SGCD: variants seen among roughly 807,000 people sequenced by gnomAD.
SGCD encodes the protein sarcoglycan delta.
SGCD carries 18 observed loss-of-function variants against 36.6 expected under a neutral mutation model. The observed-to-expected ratio is 0.49, with a 90% CI of 0.34 to 0.73. SGCD has a LOEUF of 0.73. Ranked by LOEUF, SGCD falls within the 30% of genes least tolerant of loss-of-function variation. The pLI, the probability that SGCD is intolerant of heterozygous loss-of-function variation, is 0.01. For missense variants in SGCD, 387 were observed against 346.7 expected, an observed-to-expected ratio of 1.12 and a Z score of -0.92; for synonymous variants, 133 against 130.6, an observed-to-expected ratio of 1.02 and a Z score of -0.12.
At chr5:156,329,507 T>C in intron 1 of SGCD, 27 bp from the exon 2 acceptor site, 3 of 1,546,480 alleles carry the variant, frequency 1.9e-6, no homozygotes, top group Non-Finnish European at 2.7e-6. Context: ...TCAGACCTTA[T>C]TTTTAACCCA....
At chr5:156,640,313 T>A (rs1762982310) in intron 6 of SGCD, among the ~76,000 whole-genome samples, 1 of 152,164 alleles carries the variant, frequency 6.6e-6, no homozygotes, top group South Asian at 2.1e-4. Context: ...TCTAGATATA[T>A]ATATACATTT....
chr5:156,545,939 A>G lies in SGCD; in HGVS notation c.294+37237A>G, dbSNP rs184159342. Among the ~76,000 whole-genome samples the G allele has an allele frequency of 1.9e-3, 287 of 152,326 alleles. 1 individual carries two copies. In the Middle Eastern group the frequency reaches 0.024, roughly 13 times the overall value. On this transcript the variant is annotated intron_variant, in intron 4 of 8. Transcript: ENST00000337851. The stretch of plus-strand genomic sequence containing the variant: ...CTCCAAGTTTTATGACAAATTACCC[A>G]GTGTGTCAAGTGGGTGTCAGTTTCT...
In SGCD at chr5:156,052,420, G is replaced by C. The variant is rs910675285; in HGVS notation, c.-281-65458G>C. Among the ~76,000 whole-genome samples, 7 of 146,428 alleles carry C rather than the reference G, an allele frequency of 4.8e-5. 1 individual carries two copies. Among genetic ancestry groups the C allele is most frequent in the African/African-American group, 1.5e-4 (6 of 40,646 alleles). ...TCATGAGAAGGCCTTTGAACTTCAT[G>C]CTAAGTGTGATGAAAGGAAGCCTAG... On this transcript the variant is annotated intron_variant, in intron 1 of 9. Transcript: ENST00000517913.
In SGCD at chr5:156,763,647, G is replaced by C. The variant is rs1227326845; in HGVS notation, c.*4257G>C. 6.6e-6 allele frequency: 1 copy of C among 151,886 alleles called. No homozygotes were observed. Among genetic ancestry groups the C allele is most frequent in the Admixed American group, 6.6e-5 (1 of 15,222 alleles). The allele number at this position is 151,886 out of a possible 1,614,324, so 9.4% of individuals were successfully genotyped here. ...TCTCTGCTTGTGTGTGGTAAGGCAG[G>C]TTCCTATCAGACATTTATCCCTTTG... On this transcript the variant is annotated 3_prime_UTR_variant, in exon 9 of 9. Transcript: ENST00000337851.
intron 7 of SGCD, among the ~76,000 whole-genome samples, chr5:156,756,404 T>C (rs976332133): frequency 6.6e-6 from 1 of 152,114 alleles, no homozygotes; most frequent in African/African-American, 2.4e-5. Context: ...AAAAATTAGC[T>C]GCCCGTGGTG....
chr5:155,839,247 T>C, the SGCD span, among the ~76,000 whole-genome samples: 7 of 152,244 alleles, frequency 4.6e-5, no homozygotes, highest in African/African-American at 1.7e-4. Flanking sequence ...AAGGTTGTAA[T>C]GATATCATCA....
rs534679308 is a variant in SGCD, at chr5:156,354,587, A to G, written c.192+9910A>G. Among the ~76,000 whole-genome samples, 257 of 152,294 alleles carry G rather than the reference A, an allele frequency of 1.7e-3. 1 individual carries two copies. Among genetic ancestry groups the G allele is most frequent in the Non-Finnish European group, 2.2e-3 (150 of 68,026 alleles). Reference sequence around the variant, plus strand: ...ACTAAAGTTATTTTTATGTCCTAGAATTGAGAGGAACAATGTTAGAAAATC... The same window carrying G: ...ACTAAAGTTATTTTTATGTCCTAGAGTTGAGAGGAACAATGTTAGAAAATC... On this transcript the variant is annotated intron_variant, in intron 3 of 8. Coordinates refer to ENST00000337851, the MANE Select transcript of SGCD (RefSeq NM_000337.6).
intron 3 of SGCD, among the ~76,000 whole-genome samples, chr5:156,205,991 T>A (rs375917666): frequency 1.3e-4 from 18 of 136,148 alleles, no homozygotes; most frequent in African/African-American, 3.8e-4. Context: ...ATATATATAT[T>A]TTATATATAT....
chr5:155,824,671 C>G, the SGCD span, among the ~76,000 whole-genome samples: 1 of 152,210 alleles, frequency 6.6e-6, no homozygotes, highest in Non-Finnish European at 1.5e-5. Context: ...GTTATTTCAT[C>G]CAGGGTGCCT....
intron 1 of SGCD, among the ~76,000 whole-genome samples, chr5:156,074,196 C>G (rs1478479575): frequency 1.3e-5 from 2 of 152,152 alleles, no homozygotes; most frequent in Non-Finnish European, 2.9e-5. Flanking sequence ...ACCCTTTGAT[C>G]TCAAATGTAG....
intron 1 of SGCD, among the ~76,000 whole-genome samples, chr5:155,984,196 C>G (rs1427555223): frequency 2.0e-5 from 3 of 152,182 alleles, no homozygotes; most frequent in Admixed American, 6.5e-5. Flanking sequence ...GGAATGTATT[C>G]ACTTATTTAC....
chr5:155,960,899 C>G (rs1757778245), intron 1 of SGCD, among the ~76,000 whole-genome samples: 1 of 152,094 alleles, frequency 6.6e-6, no homozygotes, highest in Admixed American at 6.6e-5. Flanking sequence ...AGGCCAGGCT[C>G]CCCGTCACTA....
At chr5:156,325,313 A>G (rs1767778158), upstream of SGCD, among the ~76,000 whole-genome samples, 1 of 151,676 alleles carries the variant, frequency 6.6e-6, no homozygotes, top group Non-Finnish European at 1.5e-5. Context: ...ACTAGATGGG[A>G]GAGTACAATT....
chr5:155,885,560 G>C (rs1755979035), intron 1 of SGCD, among the ~76,000 whole-genome samples: 1 of 151,756 alleles, frequency 6.6e-6, no homozygotes, highest in Non-Finnish European at 1.5e-5. Context: ...ATTTTGTGTA[G>C]CCAATAATCT....
chr5:156,656,842 A>G (rs1418103958), intron 7 of SGCD, among the ~76,000 whole-genome samples: 1 of 152,144 alleles, frequency 6.6e-6, no homozygotes, highest in Non-Finnish European at 1.5e-5. Flanking sequence ...AGATTCTACG[A>G]TACATCTATT....
intron 4 of SGCD, among the ~76,000 whole-genome samples, chr5:156,515,290 A>G (rs988578470): frequency 2.6e-5 from 4 of 152,212 alleles, no homozygotes; most frequent in Non-Finnish European, 5.9e-5. Flanking sequence ...TTCAGTAATG[A>G]CGTTTTCACT....
At chr5:156,418,817 CA>C (rs1324142504) in intron 3 of SGCD, among the ~76,000 whole-genome samples, 1 of 152,156 alleles carries the variant, frequency 6.6e-6, no homozygotes, top group Non-Finnish European at 1.5e-5. Flanking sequence ...CCATTTCAAG[CA>C]AAAGTTTCAT....
intron 3 of SGCD, among the ~76,000 whole-genome samples, chr5:156,448,308 A>G (rs1753834996): frequency 6.6e-6 from 1 of 152,158 alleles, no homozygotes; most frequent in Admixed American, 6.6e-5. Context: ...AAAGACATCA[A>G]TTTCAGTTTA....
chr5:156,395,291 T>G (rs953148879), intron 3 of SGCD, among the ~76,000 whole-genome samples: 2 of 152,180 alleles, frequency 1.3e-5, no homozygotes, highest in African/African-American at 2.4e-5. Context: ...GACTAGGGCA[T>G]CCTATGTGAT....
Sources: allele counts gnomAD v4.1 joint callset (sites outside exome capture counted in the v4.1 genomes callset), GRCh38; gene constraint gnomAD v4.1.1; transcripts MANE v1.5; gene names NCBI Gene and HGNC (gene_info 2026-07-23, HGNC 2026-07-21).